The following VAV1 variants were observed in gnomAD, a reference collection of about 807,000 sequenced individuals.
VAV1 encodes vav guanine nucleotide exchange factor 1.
In VAV1, 33 loss-of-function variants were observed where a neutral mutation model predicts 128.1. The ratio of observed to expected loss-of-function variants is 0.26; its 90% CI spans 0.20 to 0.34. The LOEUF (loss-of-function observed/expected upper bound fraction) is 0.34. Ranked by LOEUF, VAV1 falls within the 10% of genes least tolerant of loss-of-function variation. The pLI is 1.00. For missense variants in VAV1, 715 were observed against 1,093.7 expected, an observed-to-expected ratio of 0.65 and a Z score of 4.88; for synonymous variants, 394 against 409.8, an observed-to-expected ratio of 0.96 and a Z score of 0.47.
chr19:6,779,627 G>A lies in VAV1; in HGVS notation c.204+6616G>A, dbSNP rs57828439. On this transcript the variant is annotated intron_variant, in intron 1 of 26. Transcript: ENST00000602142. Reference sequence around the variant, plus strand: ...TGTAATCCCAGCACTTTGGGAGGCCGAGGCGGGAGGATTGCTTGGGTACAG... The same window carrying A: ...TGTAATCCCAGCACTTTGGGAGGCCAAGGCGGGAGGATTGCTTGGGTACAG... Among the ~76,000 whole-genome samples, 16 of 150,214 alleles carry A rather than the reference G, an allele frequency of 1.1e-4. 1 individual carries two copies. In the East Asian group the frequency reaches 1.2e-3, roughly 11 times the overall value.
intron 9 of VAV1, among the ~76,000 whole-genome samples, chr19:6,827,466 G>T (rs1382282641): frequency 6.6e-6 from 1 of 151,934 alleles, no homozygotes; most frequent in Non-Finnish European, 1.5e-5. Context: ...GCAGAGATGG[G>T]GTTTCACCAT....
chr19:6,825,223 G>T, intron 7 of VAV1, 80 bp from the exon 8 acceptor site: 3 of 1,575,928 alleles, frequency 1.9e-6, no homozygotes, highest in Admixed American at 1.7e-5. Flanking sequence ...GAGCGGCATG[G>T]GGCGGGTGGA....
rs371381376 is a variant in VAV1, at chr19:6,775,013, A to G, written c.204+2002A>G. 1.1e-3 allele frequency among the ~76,000 whole-genome samples: 167 copies of G among 147,924 alleles called. 2 individuals are homozygous for G. Among genetic ancestry groups the G allele is most frequent in the African/African-American group, 3.9e-3 (157 of 39,928 alleles). On this transcript the variant is annotated intron_variant, in intron 1 of 26. Coordinates refer to ENST00000602142, the MANE Select transcript of VAV1 (RefSeq NM_005428.4). ...ACTCCTGACCTCAGGTGATCTGACC[A>G]CCTCGGCCTCTCGAAAGGCTGGGAT...
At position 6,828,648 on chromosome 19, in the gene VAV1, C is replaced by T; in HGVS notation, c.1119C>T (p.Val373=). Residue 373 remains valine (V), a synonymous_variant, in exon 12 of 27, where the codon GTC becomes GTT. Transcript: ENST00000602142. This position sits in a 1 kb window ranked among gnomAD's most constrained non-coding sequence, Gnocchi z 4.5. ...ACCTGGCTCAGTGCGTGAACGAGGTCAAGCGAGACAACGAGACACTGCGAC... is the reference window on the plus strand; with the variant it reads ...ACCTGGCTCAGTGCGTGAACGAGGTTAAGCGAGACAACGAGACACTGCGAC... ...MRDLAQCVNE[V]KRDNETLRQI... The T allele has an allele frequency of 6.2e-7, 1 of 1,614,116 alleles. No individual in the cohort carries two copies. The highest frequency in any genetic ancestry group is 8.5e-7 in the Non-Finnish European group (1 of 1,180,014).
chr19:6,775,672 G>C (rs1970604586), intron 1 of VAV1, among the ~76,000 whole-genome samples: 1 of 152,162 alleles, frequency 6.6e-6, no homozygotes, highest in African/African-American at 2.4e-5. Flanking sequence ...TTGAAGCCCG[G>C]CCGTGTGTCT....
intron 15 of VAV1, among the ~76,000 whole-genome samples, chr19:6,832,449 C>T (rs1972083654): frequency 1.3e-5 from 2 of 151,638 alleles, no homozygotes; most frequent in Admixed American, 1.3e-4. Context: ...TTCTCCTCTC[C>T]TCTTCCTTCT....
intron 1 of VAV1, among the ~76,000 whole-genome samples, chr19:6,801,611 A>G (rs2144731770): frequency 6.6e-6 from 1 of 152,170 alleles, no homozygotes; most frequent in Admixed American, 6.5e-5. Context: ...TTGAACGCAA[A>G]GGGCCCCTCC....
rs919088654 is a variant in VAV1 at position 6,820,559 on chromosome 19, A to G, written c.205-143A>G. On this transcript the variant is annotated intron_variant, in intron 1 of 26. Transcript: ENST00000602142. This position sits in a 1 kb window ranked among gnomAD's most constrained non-coding sequence, Gnocchi z 4.4. ...CTGGATCAGGCACAACTTAATCTTTACCAGAAGATAATTCAATTTCATGGA... is the reference window on the plus strand; with the variant it reads ...CTGGATCAGGCACAACTTAATCTTTGCCAGAAGATAATTCAATTTCATGGA... The G allele has an allele frequency of 3.0e-6, 2 of 664,396 alleles. No homozygotes were observed. Among genetic ancestry groups the G allele is most frequent in the Non-Finnish European group, 5.4e-6 (2 of 370,438 alleles). 41.2% of individuals were successfully genotyped at this position (664,396 alleles called of 1,614,324 possible).
At chr19:6,791,507 T>G (rs1241742540) in intron 1 of VAV1, among the ~76,000 whole-genome samples, 2 of 152,204 alleles carry the variant, frequency 1.3e-5, no homozygotes, top group Non-Finnish European at 2.9e-5. Flanking sequence ...TTGAGATATC[T>G]CCTCATTTTG....
intron 2 of VAV1, among the ~76,000 whole-genome samples, chr19:6,821,117 G>C (rs1223910688): frequency 1.3e-5 from 2 of 152,132 alleles, no homozygotes; most frequent in African/African-American, 4.8e-5. Context: ...TAGAAAGATA[G>C]AGGGCCGGGC....
chr19:6,843,584 C>T (rs1052880697), intron 22 of VAV1, among the ~76,000 whole-genome samples: 1 of 152,000 alleles, frequency 6.6e-6, no homozygotes, highest in Non-Finnish European at 1.5e-5. Context: ...AAATTCTGAC[C>T]CCAACCTTAC....
chr19:6,829,051 C>T (rs903146800), intron 13 of VAV1, 151 bp downstream of exon 13: 34 of 872,764 alleles, frequency 3.9e-5, no homozygotes, highest in Non-Finnish European at 2.3e-5. Flanking sequence ...TGGGTGGAGT[C>T]GACATAGATC....
In VAV1 at chr19:6,817,971, C is replaced by T. The variant is rs548655874; in HGVS notation, c.205-2731C>T. ...AAAGTGCTGGGATTACAGGCATGAGCCACCACGCCCAGCCTTAAATTTGTT... is the reference window on the plus strand; with the variant it reads ...AAAGTGCTGGGATTACAGGCATGAGTCACCACGCCCAGCCTTAAATTTGTT... On this transcript the variant is annotated intron_variant, in intron 1 of 26. Coordinates refer to ENST00000602142, the MANE Select transcript of VAV1 (RefSeq NM_005428.4). 9.2e-5 allele frequency among the ~76,000 whole-genome samples: 14 copies of T among 152,288 alleles called. No homozygotes were observed. In the South Asian group the frequency reaches 2.5e-3, roughly 27 times the overall value.
At chr19:6,798,185 G>A (rs1971183108) in intron 1 of VAV1, among the ~76,000 whole-genome samples, 1 of 152,042 alleles carries the variant, frequency 6.6e-6, no homozygotes, top group Non-Finnish European at 1.5e-5. Context: ...GTGGAGGCAG[G>A]AGAATCGCTT....
chr19:6,855,772 T>G, intron 26 of VAV1, among the ~76,000 whole-genome samples: 1 of 151,990 alleles, frequency 6.6e-6, no homozygotes, highest in East Asian at 1.9e-4. Flanking sequence ...CCAATCACCA[T>G]TCACCAACCC....
intron 1 of VAV1, among the ~76,000 whole-genome samples, chr19:6,803,014 T>A (rs969019031): frequency 2.6e-5 from 4 of 152,178 alleles, no homozygotes; most frequent in African/African-American, 9.6e-5. Flanking sequence ...TTGCTGAAAC[T>A]GGGAGGCAAC....
At chr19:6,852,876 T>C (rs1680324004) in intron 24 of VAV1, 89 bp from the exon 25 acceptor site, 1 of 984,600 alleles carries the variant, frequency 1.0e-6, no homozygotes, top group Non-Finnish European at 1.6e-6. Context: ...GCCTGCTTCA[T>C]GTGAGGAGTT....
chr19:6,850,536 T>C, intron 23 of VAV1, 134 bp from the exon 24 acceptor site: 1 of 751,918 alleles, frequency 1.3e-6, no homozygotes, highest in Middle Eastern at 3.2e-4. Flanking sequence ...ATGGGCTCTG[T>C]TGGGACAGCT....
At chr19:6,780,392 T>C (rs1970743664) in intron 1 of VAV1, among the ~76,000 whole-genome samples, 2 of 150,304 alleles carry the variant, frequency 1.3e-5, no homozygotes, top group African/African-American at 4.8e-5. Flanking sequence ...CGTAGTTAGA[T>C]GATTTCACAG....
Sources: allele counts gnomAD v4.1 joint callset (sites outside exome capture counted in the v4.1 genomes callset), GRCh38; gene constraint gnomAD v4.1.1; non-coding constraint Gnocchi (gnomAD v3.1); transcripts MANE v1.5; gene names NCBI Gene and HGNC (gene_info 2026-07-23, HGNC 2026-07-21).